The following SCAF8 variants were observed in gnomAD, a reference collection of about 807,000 sequenced individuals.
The protein encoded by SCAF8 is SR-related and CTD-associated factor 8.
A neutral mutation model predicts 140.5 loss-of-function variants in SCAF8; 23 were observed. That is an observed-to-expected ratio of 0.16 (90% CI 0.12 to 0.23). The LOEUF (loss-of-function observed/expected upper bound fraction) is 0.23, where lower values mean the gene tolerates loss of function less well. Among genes scored for constraint, SCAF8 ranks in the 10% least tolerant of loss-of-function variants. The pLI is 1.00. For missense variants in SCAF8, 1,397 were observed against 1,555.7 expected (o/e 0.90, Z 1.72); for synonymous variants, 575 against 528.9 (o/e 1.09, Z -1.20).
chr6:154,733,937 A>G lies in SCAF8; in HGVS notation c.30+7A>G. Reference sequence around the variant, plus strand: ...GAAGACCTTCAATAGCGAGGTTGGTATGGCAGCCGGGTTCCCCTGCTCCTG... The same window carrying G: ...GAAGACCTTCAATAGCGAGGTTGGTGTGGCAGCCGGGTTCCCCTGCTCCTG... On this transcript the variant is annotated splice_region_variant and intron_variant, in intron 1 of 19. Transcript: ENST00000367178. 2 of 1,530,534 alleles carry G rather than the reference A, an allele frequency of 1.3e-6. No homozygotes were observed. Among genetic ancestry groups the G allele is most frequent in the Non-Finnish European group, 1.7e-6 (2 of 1,145,480 alleles). 94.8% of individuals were successfully genotyped at this position (1,530,534 alleles called of 1,614,324 possible).
intron 1 of SCAF8, among the ~76,000 whole-genome samples, chr6:154,751,978 C>T (rs1778848866): frequency 6.6e-6 from 1 of 152,182 alleles, no homozygotes; most frequent in Non-Finnish European, 1.5e-5. Flanking sequence ...GCCTTTGAGT[C>T]CAAAGCTCAT....
chr6:154,780,489 C>T (rs972316681), intron 3 of SCAF8, among the ~76,000 whole-genome samples: 5 of 151,750 alleles, frequency 3.3e-5, no homozygotes, highest in Admixed American at 2.0e-4. Context: ...GCCCCACATA[C>T]ATTAGCTATT....
intron 3 of SCAF8, among the ~76,000 whole-genome samples, chr6:154,779,513 G>T (rs957366665): frequency 6.6e-5 from 10 of 152,148 alleles, no homozygotes; most frequent in Non-Finnish European, 2.9e-5. Flanking sequence ...AGTAGTAAAG[G>T]TTTAAAAGGT....
intron 1 of SCAF8, among the ~76,000 whole-genome samples, chr6:154,764,998 T>A (rs1244289703): frequency 1.3e-5 from 2 of 152,186 alleles, no homozygotes; most frequent in Non-Finnish European, 2.9e-5. Context: ...TAATGAAGGT[T>A]TATTATTGAG....
chr6:154,800,510 T>A (rs191705713), intron 6 of SCAF8, among the ~76,000 whole-genome samples: 5 of 151,644 alleles, frequency 3.3e-5, no homozygotes, highest in African/African-American at 1.2e-4. Context: ...AAGGTTTCAT[T>A]TGCTAAGCAA....
intron 1 of SCAF8, among the ~76,000 whole-genome samples, chr6:154,737,677 G>T (rs1247737639): frequency 6.6e-6 from 1 of 152,054 alleles, no homozygotes; most frequent in South Asian, 2.1e-4. Flanking sequence ...ACTCTGGCCC[G>T]GGCAACAGTG....
At chr6:154,747,470 C>T (rs771016179) in intron 1 of SCAF8, among the ~76,000 whole-genome samples, 1 of 152,028 alleles carries the variant, frequency 6.6e-6, no homozygotes, top group Non-Finnish European at 1.5e-5. Flanking sequence ...GAGGTTGTGC[C>T]ACTTTACTCC....
At position 154,831,952 on chromosome 6, in the gene SCAF8, T is replaced by G. The variant is rs771695212; in HGVS notation, c.2373T>G (p.Asp791Glu). 1 of 1,591,430 alleles carries G rather than the reference T, an allele frequency of 6.3e-7. No homozygotes were observed. Among genetic ancestry groups the G allele is most frequent in the Non-Finnish European group, 8.5e-7 (1 of 1,172,192 alleles). Residue 791 changes from aspartate to glutamate, a missense_variant, in exon 20 of 20, where the codon GAT (aspartate) becomes GAG (glutamate). Physicochemically the swap from Asp to Glu is conservative, Grantham distance 45. Around this residue, in one of 5 missense-constraint regions of SCAF8, gnomAD observed 930 missense variants for 874.6 expected, o/e 1.06. Transcript: ENST00000367178. ...CTTTTTTTTTAGTGATTCCAAATGA[T>G]ATTTCAAGTAATGCTGCAATTTTAG... ...GENTRSVIPN[D>E]ISSNAAILGG...
At chr6:154,761,234 CTTTG>C (rs1194426187) in intron 1 of SCAF8, among the ~76,000 whole-genome samples, 6 of 152,192 alleles carry the variant, frequency 3.9e-5, no homozygotes, top group African/African-American at 9.6e-5. Flanking sequence ...TTTTGAAACA[CTTTG>C]TTTGTTGGGA....
chr6:154,768,049 C>A (rs190786111), intron 1 of SCAF8, among the ~76,000 whole-genome samples: 293 of 152,206 alleles, frequency 1.9e-3, no homozygotes, highest in Admixed American at 3.5e-3. Flanking sequence ...GCTGCATTTT[C>A]AATACAAGAT....
Position 154,801,971 on chromosome 6 carries a change from C to T in SCAF8, c.607C>T (p.Leu203Phe). The T allele has an allele frequency of 3.8e-6, 6 of 1,569,148 alleles. No homozygotes were observed. The highest frequency in any genetic ancestry group is 5.2e-6 in the Non-Finnish European group (6 of 1,161,950). The change falls in exon 7 of 20, where the codon CTT becomes TTT. Residue 203 changes from leucine to phenylalanine, a missense_variant and splice_region_variant. Transcript: ENST00000367178. ...QILQSPQGQQ[L>F]QQLIQTLQIQ... ...GTAATATATATTTTTTTCTCTCCAGCTTCAACAATTAATACAAACCTTACA... is the reference window on the plus strand; with the variant it reads ...GTAATATATATTTTTTTCTCTCCAGTTTCAACAATTAATACAAACCTTACA...
chr6:154,761,443 A>C (rs1451198174), intron 1 of SCAF8, among the ~76,000 whole-genome samples: 1 of 152,088 alleles, frequency 6.6e-6, no homozygotes, highest in Non-Finnish European at 1.5e-5. Flanking sequence ...CTGAGATTGC[A>C]CCAGTGCACT....
In SCAF8 at chr6:154,746,483, T is replaced by C. The variant is rs1009918593; in HGVS notation, c.30+12553T>C. On this transcript the variant is annotated intron_variant, in intron 1 of 19. Coordinates refer to ENST00000367178, the MANE Select transcript of SCAF8 (RefSeq NM_014892.5). ...CTAAAAAGCCATGAATTCATCATAGTATCTTCAATTCCAGTCAAACACAGT... is the reference window on the plus strand; with the variant it reads ...CTAAAAAGCCATGAATTCATCATAGCATCTTCAATTCCAGTCAAACACAGT... Among the ~76,000 whole-genome samples, 3 of 152,234 alleles carry C rather than the reference T, an allele frequency of 2.0e-5. No individual in the cohort carries two copies. The South Asian group carries it at 6.2e-4, about 31-fold the overall frequency.
intron 6 of SCAF8, among the ~76,000 whole-genome samples, chr6:154,795,846 T>A (rs569601521): frequency 6.6e-6 from 1 of 152,340 alleles, no homozygotes; most frequent in African/African-American, 2.4e-5. Context: ...TCTATACATA[T>A]ACTTTTATTG....
intron 4 of SCAF8, among the ~76,000 whole-genome samples, chr6:154,790,341 C>T (rs949804076): frequency 3.9e-5 from 6 of 152,010 alleles, no homozygotes; most frequent in Non-Finnish European, 8.8e-5. Flanking sequence ...TCTTGTGCTT[C>T]ATTTGAAATA....
At chr6:154,781,034 G>A (rs1777069011) in intron 3 of SCAF8, among the ~76,000 whole-genome samples, 2 of 152,030 alleles carry the variant, frequency 1.3e-5, no homozygotes, top group East Asian at 1.9e-4. Flanking sequence ...ACCAGCATCG[G>A]TTGTTTCTTG....
chr6:154,779,795 A>G (rs1176242578), intron 3 of SCAF8, among the ~76,000 whole-genome samples: 4 of 148,230 alleles, frequency 2.7e-5, no homozygotes, highest in African/African-American at 1.0e-4. Flanking sequence ...ATATATATAT[A>G]TATATACACT....
intron 1 of SCAF8, 89 bp from the exon 2 acceptor site, chr6:154,773,900 A>T (rs1264062846): frequency 1.2e-6 from 1 of 852,004 alleles, no homozygotes; most frequent in African/African-American, 1.7e-5. Flanking sequence ...TGTTGGTTTC[A>T]TTGAGAATAT....
chr6:154,763,225 C>A (rs537775075), intron 1 of SCAF8, among the ~76,000 whole-genome samples: 129 of 151,984 alleles, frequency 8.5e-4, no homozygotes, highest in African/African-American at 3.0e-3. Context: ...TATTGTCCTC[C>A]CAGTAAGAGG....
Sources: allele counts gnomAD v4.1 joint callset (sites outside exome capture counted in the v4.1 genomes callset), GRCh38; gene constraint gnomAD v4.1.1; regional missense constraint gnomAD v4.1.1; transcripts MANE v1.5; gene names NCBI Gene and HGNC (gene_info 2026-07-23, HGNC 2026-07-21).